UNC5B: variants seen among roughly 807,000 people sequenced by gnomAD.
UNC5B encodes netrin receptor UNC5B.
A neutral mutation model predicts 103.7 loss-of-function variants in UNC5B; 56 were observed. That is an observed-to-expected ratio of 0.54 (90% CI 0.44 to 0.67). The LOEUF (loss-of-function observed/expected upper bound fraction) is 0.67. Among genes scored for constraint, UNC5B ranks in the 30% least tolerant of loss-of-function variants. The pLI is 0.00. For missense variants in UNC5B, 1,194 were observed against 1,284.5 expected, an observed-to-expected ratio of 0.93 and a Z score of 1.08; for synonymous variants, 577 against 542.0, an observed-to-expected ratio of 1.06 and a Z score of -0.90.
intron 1 of UNC5B, among the ~76,000 whole-genome samples, chr10:71,215,806 GGTGTGTGTGT>G (rs55848098): frequency 0.2 from 29,613 of 149,554 alleles, 3,052 homozygotes; most frequent in African/African-American, 0.26. Flanking sequence ...GTCTCTGCTT[GGTGTGTGTGT>G]GTGTGTGTGT....
chr10:71,294,829 G>A (rs747390656), intron 13 of UNC5B, among the ~76,000 whole-genome samples: 5 of 152,042 alleles, frequency 3.3e-5, no homozygotes, highest in Non-Finnish European at 5.9e-5. Context: ...ATGGAGCCCC[G>A]TGTTAGCACC....
At chr10:71,221,307 C>T (rs540442420) in intron 1 of UNC5B, among the ~76,000 whole-genome samples, 3 of 152,228 alleles carry the variant, frequency 2.0e-5, no homozygotes, top group East Asian at 3.9e-4. Flanking sequence ...TGGGCATGTG[C>T]GAGAAGGGGC....
intron 1 of UNC5B, among the ~76,000 whole-genome samples, chr10:71,270,340 A>AAGGGAGGG (rs776665500): frequency 7.3e-5 from 6 of 82,528 alleles, no homozygotes; most frequent in East Asian, 3.9e-4. Context: ...GACTCTGCGG[A>AAGGGAGGG]AGGGAGGGAG....
At chr10:71,245,519 G>T (rs973364386) in intron 1 of UNC5B, among the ~76,000 whole-genome samples, 1 of 152,168 alleles carries the variant, frequency 6.6e-6, no homozygotes, top group Non-Finnish European at 1.5e-5. Flanking sequence ...GTCCTTCTGG[G>T]TGGGCTGGCG....
intron 1 of UNC5B, among the ~76,000 whole-genome samples, chr10:71,271,177 A>G (rs1374757922): frequency 6.6e-6 from 1 of 152,242 alleles, no homozygotes; most frequent in Non-Finnish European, 1.5e-5. Flanking sequence ...CTGAGAGGAC[A>G]GAACAATAGC....
intron 15 of UNC5B, among the ~76,000 whole-genome samples, chr10:71,296,973 G>A (rs1307367637): frequency 7.4e-6 from 1 of 135,924 alleles, no homozygotes; most frequent in Admixed American, 7.2e-5. Flanking sequence ...TATTCCGGCT[G>A]CACACCACTC....
At chr10:71,273,697 G>T (rs1261115847) in intron 1 of UNC5B, among the ~76,000 whole-genome samples, 1 of 152,232 alleles carries the variant, frequency 6.6e-6, no homozygotes, top group Non-Finnish European at 1.5e-5. Flanking sequence ...TGTCCGACAA[G>T]CTCCACTCCA....
chr10:71,284,181 T>G (rs953007856), intron 2 of UNC5B, among the ~76,000 whole-genome samples: 1 of 151,964 alleles, frequency 6.6e-6, no homozygotes, highest in Admixed American at 6.6e-5. Flanking sequence ...TGGAGGGGGC[T>G]TTCCTCGGGA....
chr10:71,253,896 G>T (rs1292034732), intron 1 of UNC5B, among the ~76,000 whole-genome samples: 2 of 152,252 alleles, frequency 1.3e-5, no homozygotes, highest in South Asian at 2.1e-4. Flanking sequence ...ATCGCTGCAA[G>T]GTGGAGGGTC....
chr10:71,289,669 A>C (rs967924744), intron 8 of UNC5B, among the ~76,000 whole-genome samples: 1 of 152,252 alleles, frequency 6.6e-6, no homozygotes, highest in Non-Finnish European at 1.5e-5. Flanking sequence ...GGATGATTCA[A>C]GTGTAAGTCA....
In UNC5B at chr10:71,291,746, C is replaced by G; in HGVS notation, c.1609C>G (p.Leu537Val). The change falls in exon 10 of 17, where the codon CTG becomes GTG. Residue 537 changes from leucine to valine, a missense_variant. By Grantham distance (32) the Leu-to-Val change is conservative. Transcript: ENST00000335350. ...ASLGSQQLLGLPRDPGSSVSG... is the reference protein window; with the variant it reads ...ASLGSQQLLGVPRDPGSSVSG... ...CCTCGGTTCCCAGCAGCTCTTGGGCCTGCCCCGAGACCCAGGGAGCAGCGT... is the reference window on the plus strand; with the variant it reads ...CCTCGGTTCCCAGCAGCTCTTGGGCGTGCCCCGAGACCCAGGGAGCAGCGT... 1 of 1,611,030 alleles carries G rather than the reference C, an allele frequency of 6.2e-7. No individual in the cohort carries two copies. Among genetic ancestry groups the G allele is most frequent in the East Asian group, 2.2e-5 (1 of 44,874 alleles).
At chr10:71,220,926 ATTGT>A (rs1240465656) in intron 1 of UNC5B, among the ~76,000 whole-genome samples, 1 of 152,088 alleles carries the variant, frequency 6.6e-6, no homozygotes, top group Non-Finnish European at 1.5e-5. Flanking sequence ...CTGGGTTCTG[ATTGT>A]TTGGTTTCCC....
intron 1 of UNC5B, among the ~76,000 whole-genome samples, chr10:71,223,264 T>C (rs1440743276): frequency 6.6e-6 from 1 of 152,140 alleles, no homozygotes; most frequent in African/African-American, 2.4e-5. Context: ...ACTGAATAAA[T>C]CTCTGTAGAA....
In UNC5B at chr10:71,295,943, C is replaced by T; in HGVS notation, c.2308C>T (p.Leu770=). The change falls in exon 14 of 17, where the codon CTG becomes TTG. Residue 770 remains leucine (L), a synonymous_variant. Transcript: ENST00000335350. The stretch of plus-strand genomic sequence containing the variant: ...CCCCCATGCCCATTGGAGGAGCAAG[C>T]TGCTGGCCAAATACCAGGTGAGGGC... The part of the protein sequence containing the change: ...DLPHAHWRSK[L]LAKYQEIPFY... The T allele has an allele frequency of 6.2e-7, 1 of 1,613,068 alleles. No individual in the cohort carries two copies. The highest frequency in any genetic ancestry group is 2.0e-4 in the Middle Eastern group (1 of 5,102).
chr10:71,274,421 T>C lies in UNC5B; in HGVS notation c.80-5400T>C, dbSNP rs1002213756. Among the ~76,000 whole-genome samples the C allele has an allele frequency of 2.0e-5, 3 of 152,076 alleles. No individual in the cohort carries two copies. In the East Asian group the frequency reaches 5.8e-4, roughly 29 times the overall value. ...GTCTAGCAATGGCTGAATCTCAAAT[T>C]GCAGCTGTGAGTAAGGAAGGCTTTT... On this transcript the variant is annotated intron_variant, in intron 1 of 16. Transcript: ENST00000335350.
At position 71,293,881 on chromosome 10, in the gene UNC5B, T is replaced by C. The variant is rs1418857847; in HGVS notation, c.2123T>C (p.Leu708Pro). ...AVFAPALCTS[L>P]EYSLRVYCLE... ...TTCGCCCCCGCCCTCTGCACCTCCC[T>C]GGAGTACAGCCTCCGGGTCTACTGC... is the stretch of plus-strand genomic sequence containing the variant. Residue 708 changes from leucine to proline, a missense_variant, in exon 13 of 17, where the codon CTG becomes CCG. Leu to Pro is a moderately conservative substitution (Grantham distance 98, BLOSUM62 -3). Coordinates refer to ENST00000335350, the MANE Select transcript of UNC5B (RefSeq NM_170744.5). The C allele has an allele frequency of 6.2e-7, 1 of 1,606,776 alleles. No homozygotes were observed. The highest frequency in any genetic ancestry group is 1.1e-5 in the South Asian group (1 of 90,940).
At position 71,212,883 on chromosome 10, in the gene UNC5B, G is replaced by A. The variant is rs892919953; in HGVS notation, c.-103G>A. ...CGGGCTGGCGCTGCCGGGCGCCGGG[G>A]AGGACGGCGAGGAGGAGGCGGCGGC... On this transcript the variant is annotated 5_prime_UTR_variant, in exon 1 of 17. Coordinates refer to ENST00000335350, the MANE Select transcript of UNC5B (RefSeq NM_170744.5). 17 of 971,668 alleles carry A rather than the reference G, an allele frequency of 1.7e-5. No individual in the cohort carries two copies. The highest frequency in any genetic ancestry group is 2.3e-5 in the Non-Finnish European group (17 of 751,344). The allele number at this position is 971,668 out of a possible 1,614,324, so 60.2% of individuals were successfully genotyped here.
intron 8 of UNC5B, among the ~76,000 whole-genome samples, 198 bp from the exon 9 acceptor site, chr10:71,290,717 G>A (rs1261118520): frequency 6.6e-6 from 1 of 152,202 alleles, no homozygotes; most frequent in Non-Finnish European, 1.5e-5. Flanking sequence ...AGTAAGGCAG[G>A]GACTTCGAGC....
chr10:71,268,334 G>T (rs541873904), intron 1 of UNC5B, among the ~76,000 whole-genome samples: 1 of 152,182 alleles, frequency 6.6e-6, no homozygotes, highest in Non-Finnish European at 1.5e-5. Flanking sequence ...CTTTTTCTCT[G>T]TCCTTTCTGT....
Sources: allele counts gnomAD v4.1 joint callset (sites outside exome capture counted in the v4.1 genomes callset), GRCh38; gene constraint gnomAD v4.1.1; transcripts MANE v1.5; gene names NCBI Gene and HGNC (gene_info 2026-07-23, HGNC 2026-07-21).